The following LHPP variants were observed in gnomAD, a reference collection of about 807,000 sequenced individuals.
LHPP encodes hLHPP.
LHPP carries 24 observed loss-of-function variants against 30.3 expected under a neutral mutation model. The observed-to-expected ratio is 0.79, with a 90% CI of 0.57 to 1.11. LHPP has a LOEUF of 1.11. Ranked by LOEUF, LHPP falls within the 50% of genes most tolerant of loss-of-function variation. LHPP has a pLI of 0.00. For missense variants in LHPP, 356 were observed against 367.2 expected (o/e 0.97, Z 0.25); for synonymous variants, 150 against 157.1 (o/e 0.95, Z 0.34).
chr10:124,563,313 CTT>C (rs58678509), intron 6 of LHPP, among the ~76,000 whole-genome samples: 4 of 139,006 alleles, frequency 2.9e-5, no homozygotes, highest in East Asian at 2.1e-4. Context: ...CTCTCTTTTT[CTT>C]TTTTTTTTTT....
chr10:124,588,530 C>T (rs1181229951), intron 6 of LHPP, among the ~76,000 whole-genome samples: 4 of 152,170 alleles, frequency 2.6e-5, no homozygotes, highest in South Asian at 2.1e-4. Context: ...GTGATCCGCC[C>T]GCCCAAAGTG....
chr10:124,612,326 A>G (rs189678393), intron 6 of LHPP, among the ~76,000 whole-genome samples: 172 of 152,232 alleles, frequency 1.1e-3, no homozygotes, highest in African/African-American at 4.1e-3. Context: ...AATCGCTTGA[A>G]ACTGGGAGGC....
intron 3 of LHPP, among the ~76,000 whole-genome samples, chr10:124,494,467 C>A (rs1953641083): frequency 6.6e-6 from 1 of 152,166 alleles, no homozygotes; most frequent in South Asian, 2.1e-4. Flanking sequence ...ATATTCTTTC[C>A]TCCGTCCTGG....
At chr10:124,562,135 T>A (rs887419886) in intron 6 of LHPP, among the ~76,000 whole-genome samples, 2 of 152,002 alleles carry the variant, frequency 1.3e-5, no homozygotes, top group African/African-American at 4.8e-5. Context: ...CAGGGAGACC[T>A]TGTCTCTACA....
At chr10:124,569,484 C>T (rs1948549509) in intron 6 of LHPP, among the ~76,000 whole-genome samples, 1 of 152,114 alleles carries the variant, frequency 6.6e-6, no homozygotes, top group African/African-American at 2.4e-5. Flanking sequence ...GAGGGCAGAG[C>T]TGGGAGGGCA....
chr10:124,493,434 G>A (rs1407261337), intron 3 of LHPP, among the ~76,000 whole-genome samples: 1 of 152,352 alleles, frequency 6.6e-6, no homozygotes. Context: ...CAGGAGCAGC[G>A]GGTGGAGGCG....
intron 3 of LHPP, chr10:124,489,888 C>T (rs192532144): frequency 5.1e-6 from 1 of 195,024 alleles, no homozygotes; most frequent in African/African-American, 2.4e-5. Flanking sequence ...GTTGCTGACC[C>T]ATTCCCAGCC....
intron 5 of LHPP, among the ~76,000 whole-genome samples, chr10:124,513,590 G>T (rs1325481815): frequency 6.9e-6 from 1 of 145,498 alleles, no homozygotes; most frequent in African/African-American, 2.6e-5. Context: ...TCAGCCTCCC[G>T]AGTATCTGGG....
intron 6 of LHPP, among the ~76,000 whole-genome samples, chr10:124,547,369 T>C (rs1051623991): frequency 2.0e-5 from 3 of 152,256 alleles, no homozygotes; most frequent in Non-Finnish European, 2.9e-5. Flanking sequence ...TCATAAATAT[T>C]TCAACTTTAG....
chr10:124,565,369 T>C lies in LHPP; in HGVS notation c.717-47895T>C, dbSNP rs546185657. Among the ~76,000 whole-genome samples, 8 of 152,220 alleles carry C rather than the reference T, an allele frequency of 5.3e-5. No individual in the cohort carries two copies. The South Asian group carries it at 1.4e-3, about 28-fold the overall frequency. On this transcript the variant is annotated intron_variant, in intron 6 of 6. Coordinates refer to ENST00000368842, the MANE Select transcript of LHPP (RefSeq NM_022126.4). ...CTGAGGGTCGAGAAATACAGACAGG[T>C]GTCTTCAGGCTCTCCGTGCAGGCCA...
intron 6 of LHPP, among the ~76,000 whole-genome samples, chr10:124,552,377 A>G (rs370211842): frequency 3.3e-3 from 503 of 151,558 alleles, no homozygotes; most frequent in African/African-American, 0.011. Context: ...GCCACCACCC[A>G]CCCCTCTCTC....
At chr10:124,521,673 C>T (rs1374890013) in intron 6 of LHPP, among the ~76,000 whole-genome samples, 2 of 152,054 alleles carry the variant, frequency 1.3e-5, no homozygotes, top group East Asian at 3.9e-4. Context: ...GGTTTGAGGC[C>T]AGGGCAGCAT....
chr10:124,556,344 C>T (rs1413219184), intron 6 of LHPP, among the ~76,000 whole-genome samples: 1 of 152,202 alleles, frequency 6.6e-6, no homozygotes, highest in Non-Finnish European at 1.5e-5. Flanking sequence ...TCCAAACCAC[C>T]GTGCATTCTC....
intron 6 of LHPP, among the ~76,000 whole-genome samples, chr10:124,548,726 G>A (rs977693300): frequency 6.6e-6 from 1 of 152,354 alleles, no homozygotes; most frequent in East Asian, 1.9e-4. Flanking sequence ...TGGGCGGGCA[G>A]GTGGATCTTC....
chr10:124,477,934 G>GC (rs1441379750), intron 1 of LHPP, among the ~76,000 whole-genome samples: 5 of 152,176 alleles, frequency 3.3e-5, no homozygotes, highest in Admixed American at 3.3e-4. Flanking sequence ...GGTGCTCACT[G>GC]CCCCTCATCC....
intron 6 of LHPP, among the ~76,000 whole-genome samples, chr10:124,599,078 G>C (rs760291773): frequency 6.7e-6 from 1 of 148,556 alleles, no homozygotes; most frequent in Non-Finnish European, 1.5e-5. Context: ...CATCCACCCT[G>C]ATGCAGTGCC....
intron 6 of LHPP, among the ~76,000 whole-genome samples, chr10:124,595,756 T>C (rs1263290545): frequency 6.6e-6 from 1 of 152,252 alleles, no homozygotes; most frequent in East Asian, 1.9e-4. Flanking sequence ...CAAATATCAC[T>C]GTGTGCCCTT....
chr10:124,476,528 G>A (rs1008558397), intron 1 of LHPP, among the ~76,000 whole-genome samples: 7 of 152,122 alleles, frequency 4.6e-5, no homozygotes, highest in Non-Finnish European at 8.8e-5. Context: ...AGCCTGGTGC[G>A]CGCGCCAGGG....
chr10:124,597,854 A>G (rs116474468), intron 6 of LHPP, among the ~76,000 whole-genome samples: 211 of 152,332 alleles, frequency 1.4e-3, no homozygotes, highest in African/African-American at 4.4e-3. Flanking sequence ...AACACACACC[A>G]GGTGCTTAAC....
Sources: gnomAD v4.1 joint callset for allele counts (sites outside exome capture counted in the v4.1 genomes callset) on GRCh38, gnomAD v4.1.1 for gene constraint, MANE v1.5 for transcripts, NCBI Gene and HGNC (gene_info 2026-07-23, HGNC 2026-07-21) for gene names.